Variants in RFT1 observed in about 807,000 individuals in gnomAD.
RFT1 encodes RFT1 glycolipid translocator homolog.
In RFT1, 43 loss-of-function variants were observed where a neutral mutation model predicts 62.2. That is an observed-to-expected ratio of 0.69 (90% CI 0.54 to 0.89). The LOEUF is 0.89. Ranked by LOEUF, RFT1 falls within the 40% of genes least tolerant of loss-of-function variation. RFT1 has a pLI of 0.00. For synonymous variants in RFT1, 262 were observed against 264.6 expected (o/e 0.99, Z 0.10); for missense variants, 605 against 649.9 (o/e 0.93, Z 0.75).
the RFT1 span, among the ~76,000 whole-genome samples, chr3:53,070,393 GTTTTT>G: frequency 1.9e-4 from 16 of 85,446 alleles, no homozygotes; most frequent in Non-Finnish European, 2.9e-4. Flanking sequence ...CTGTATTATG[GTTTTT>G]TTTTTTTTTT....
intron 5 of RFT1, 89 bp from the exon 6 acceptor site, chr3:53,120,110 CTCTTGATT>C: frequency 1.8e-6 from 2 of 1,092,158 alleles, no homozygotes; most frequent in Non-Finnish European, 2.6e-6. Context: ...TAATAGAACT[CTCTTGATT>C]AACTGCACTT....
chr3:53,104,185 G>T, intron 9 of RFT1, 88 bp from the exon 10 acceptor site: 1 of 1,372,942 alleles, frequency 7.3e-7, no homozygotes, highest in Non-Finnish European at 1.0e-6. Flanking sequence ...TCCCTTCACT[G>T]TTTTACAGTT....
Position 53,125,995 on chromosome 3 carries a change from C to G in RFT1, c.64-1G>C, listed in dbSNP as rs1398474976. ...CAAAGGTGATCAACCGAAACAACACCTATAGAAAAAGAGGAAAAATACGTA... is the reference window on the plus strand; with the variant it reads ...CAAAGGTGATCAACCGAAACAACACGTATAGAAAAAGAGGAAAAATACGTA... On this transcript the variant is annotated splice_acceptor_variant, in intron 1 of 12. Coordinates refer to ENST00000296292, the MANE Select transcript of RFT1 (RefSeq NM_052859.4). LOFTEE classifies it high-confidence loss of function. The G allele has an allele frequency of 1.2e-6, 2 of 1,611,174 alleles. No homozygotes were observed. The highest frequency in any genetic ancestry group is 2.2e-5 in the East Asian group (1 of 44,856).
chr3:53,128,781 G>T (rs1322424233), intron 1 of RFT1, among the ~76,000 whole-genome samples: 2 of 152,230 alleles, frequency 1.3e-5, no homozygotes, highest in Non-Finnish European at 2.9e-5. Flanking sequence ...AAAGTGCTGG[G>T]ATGACAGGCA....
intron 1 of RFT1, among the ~76,000 whole-genome samples, chr3:53,128,667 C>T (rs1318298483): frequency 4.6e-5 from 7 of 152,160 alleles, no homozygotes; most frequent in South Asian, 2.1e-4. Context: ...CATGCCACCA[C>T]GCCCATCTAA....
At chr3:53,070,745 GT>G in the RFT1 span, among the ~76,000 whole-genome samples, 5 of 149,902 alleles carry the variant, frequency 3.3e-5, no homozygotes, top group East Asian at 2.1e-4. Context: ...AATTTTAAAA[GT>G]TTTTTTTTGG....
chr3:53,118,820 T>C (rs1701885785), intron 6 of RFT1, among the ~76,000 whole-genome samples: 1 of 151,838 alleles, frequency 6.6e-6, no homozygotes, highest in South Asian at 2.1e-4. Context: ...GTGAAGGAAT[T>C]GAGTAGAAAA....
chr3:53,117,927 C>T (rs1701853832), intron 6 of RFT1, among the ~76,000 whole-genome samples: 1 of 152,202 alleles, frequency 6.6e-6, no homozygotes. Context: ...GGGTCTCACT[C>T]TGTTGCCCAG....
chr3:53,127,595 G>A (rs927479402), intron 1 of RFT1, among the ~76,000 whole-genome samples: 2 of 151,726 alleles, frequency 1.3e-5, no homozygotes, highest in African/African-American at 4.8e-5. Flanking sequence ...CCAGCTACTC[G>A]GGAGGCTGAG....
the RFT1 span, among the ~76,000 whole-genome samples, chr3:53,072,079 G>A: frequency 3.3e-5 from 5 of 152,330 alleles, no homozygotes; most frequent in South Asian, 2.1e-4. Flanking sequence ...TGCTCCTGGC[G>A]TCACTGTTGG....
At chr3:53,109,575 C>T (rs552251060) in intron 7 of RFT1, among the ~76,000 whole-genome samples, 5 of 152,148 alleles carry the variant, frequency 3.3e-5, no homozygotes, top group Non-Finnish European at 2.9e-5. Context: ...TTTGGGAGGC[C>T]GAGGCAGGAG....
chr3:53,099,224 A>C (rs1481038954), intron 11 of RFT1, among the ~76,000 whole-genome samples, 157 bp downstream of exon 11: 1 of 152,228 alleles, frequency 6.6e-6, no homozygotes, highest in Non-Finnish European at 1.5e-5. Flanking sequence ...TGCTGGTGCC[A>C]CAGAGATCCC....
At chr3:53,070,890 C>G in the RFT1 span, among the ~76,000 whole-genome samples, 1 of 151,426 alleles carries the variant, frequency 6.6e-6, no homozygotes, top group Admixed American at 6.6e-5. Context: ...CATGCCACCA[C>G]GCCTGGCTAA....
chr3:53,123,602 A>G, intron 3 of RFT1, 122 bp downstream of exon 3: 2 of 801,168 alleles, frequency 2.5e-6, no homozygotes, highest in Non-Finnish European at 4.4e-6. Flanking sequence ...GCCTGCTCCC[A>G]GAAACCCATG....
chr3:53,115,219 G>A (rs1701758788), intron 6 of RFT1, among the ~76,000 whole-genome samples: 2 of 152,112 alleles, frequency 1.3e-5, no homozygotes. Flanking sequence ...GGCTCGACCT[G>A]CAGTTCCTTG....
chr3:53,112,251 T>C (rs1200698442), intron 6 of RFT1, among the ~76,000 whole-genome samples: 2 of 152,232 alleles, frequency 1.3e-5, no homozygotes, highest in African/African-American at 4.8e-5. Flanking sequence ...GTCTAAAGCA[T>C]GCCAGGCTGC....
At chr3:53,098,114 C>A (rs770233462) in intron 11 of RFT1, among the ~76,000 whole-genome samples, 3 of 152,210 alleles carry the variant, frequency 2.0e-5, no homozygotes, top group Non-Finnish European at 4.4e-5. Context: ...CACCTAAGTG[C>A]GTCCTAGGTC....
chr3:53,126,389 T>C (rs4687704), intron 1 of RFT1, among the ~76,000 whole-genome samples: 149,906 of 152,340 alleles, frequency 0.98, 73,820 homozygotes, highest in Middle Eastern at 1. Flanking sequence ...AGAAATAGCA[T>C]ACGCTTAGCA....
At chr3:53,072,932 T>A in the RFT1 span, among the ~76,000 whole-genome samples, 1 of 151,786 alleles carries the variant, frequency 6.6e-6, no homozygotes, top group Non-Finnish European at 1.5e-5. Context: ...CTCTAGTGCC[T>A]GCCGCACAGC....
Sources: gnomAD v4.1 joint callset for allele counts (sites outside exome capture counted in the v4.1 genomes callset) on GRCh38, gnomAD v4.1.1 for gene constraint, MANE v1.5 for transcripts, NCBI Gene and HGNC (gene_info 2026-07-23, HGNC 2026-07-21) for gene names.